WWP1: variants seen among roughly 807,000 people sequenced by gnomAD.
WWP1 encodes the protein WW domain containing E3 ubiquitin protein ligase 1.
WWP1 carries 49 observed loss-of-function variants against 130.6 expected under a neutral mutation model. The observed-to-expected ratio is 0.38, with a 90% CI of 0.30 to 0.48. The LOEUF is 0.48. WWP1 is among the 20% of genes least tolerant of loss of function. WWP1 has a pLI of 0.99. For synonymous variants in WWP1, 332 were observed against 367.8 expected (o/e 0.90, Z 1.11); for missense variants, 809 against 1,100.6 (o/e 0.74, Z 3.75).
At position 86,452,216 on chromosome 8, in the gene WWP1, A is replaced by G. The variant is rs73688841; in HGVS notation, c.2274-343A>G. On this transcript the variant is annotated intron_variant, in intron 20 of 24. Coordinates refer to ENST00000517970, the MANE Select transcript of WWP1 (RefSeq NM_007013.4). ...CGGTGGGCACATGATATTTGGATTTATTTGTCTAGATATAAACAGGAAATA... is the reference window on the plus strand; with the variant it reads ...CGGTGGGCACATGATATTTGGATTTGTTTGTCTAGATATAAACAGGAAATA... Among the ~76,000 whole-genome samples the G allele has an allele frequency of 6.9e-3, 1,056 of 152,082 alleles. 9 individuals carry two copies. Among genetic ancestry groups the G allele is most frequent in the Middle Eastern group, 0.02 (6 of 294 alleles).
chr8:86,398,669 A>T (rs746007625), intron 7 of WWP1, 31 bp downstream of exon 7: 3 of 1,602,970 alleles, frequency 1.9e-6, no homozygotes, highest in Non-Finnish European at 2.6e-6. Flanking sequence ...ATGGGTGGCG[A>T]CATGATGTGG....
In WWP1 at chr8:86,442,715, A is replaced by G. The variant is rs1378159025; in HGVS notation, c.1935A>G (p.Pro645=). The change falls in exon 18 of 25, where the codon CCA becomes CCG. Residue 645 remains proline, a synonymous_variant. Transcript: ENST00000517970. The stretch of plus-strand genomic sequence containing the variant: ...ACAACTATTGTCTGCAGATAAATCC[A>G]GCATCAACCATTAATCCAGACCATC... ...GKNNYCLQIN[P]ASTINPDHLS... is the part of the protein sequence containing the mutation. 2.5e-6 allele frequency: 4 copies of G among 1,612,956 alleles called. No individual in the cohort carries two copies. Among genetic ancestry groups the G allele is most frequent in the Admixed American group, 1.7e-5 (1 of 59,970 alleles).
At chr8:86,419,813 A>C (rs542224228) in intron 9 of WWP1, among the ~76,000 whole-genome samples, 2 of 152,238 alleles carry the variant, frequency 1.3e-5, no homozygotes, top group Non-Finnish European at 2.9e-5. Flanking sequence ...ATTGGGGCCA[A>C]TTAAATTCTA....
At chr8:86,436,775 T>G (rs1035831888) in intron 16 of WWP1, among the ~76,000 whole-genome samples, 14 of 152,128 alleles carry the variant, frequency 9.2e-5, no homozygotes, top group South Asian at 6.2e-4. Context: ...ATTCCCCCCC[T>G]AGTATTATAA....
At chr8:86,364,806 CGAAAGAAAGAAA>C (rs60630138) in intron 1 of WWP1, among the ~76,000 whole-genome samples, 7 of 135,754 alleles carry the variant, frequency 5.2e-5, no homozygotes, top group Non-Finnish European at 1.1e-4. Context: ...GACCCTGCCT[CGAAAGAAAGAAA>C]GAAAGAAAGA....
In WWP1 at chr8:86,342,814, C is replaced by T. The variant is rs920673358; in HGVS notation, c.-231C>T. ...GGGCCGACGCCTGGGTGGCTGCTGC[C>T]GCCGCGCCTGCTGCGAGATGGCGAT... On this transcript the variant is annotated 5_prime_UTR_variant, in exon 1 of 25. Transcript: ENST00000517970. 1 of 369,066 alleles carries T rather than the reference C, an allele frequency of 2.7e-6. No homozygotes were observed. Among genetic ancestry groups the T allele is most frequent in the East Asian group, 3.9e-5 (1 of 25,622 alleles). 22.9% of individuals were successfully genotyped at this position (369,066 alleles called of 1,614,324 possible). A position where few individuals can be genotyped will look rare whatever the true frequency, so the allele number is the denominator to read the frequency against.
rs1281110737 is a variant in WWP1 at position 86,457,904 on chromosome 8, C to G, written c.2395-17C>G. The G allele has an allele frequency of 1.9e-6, 3 of 1,603,238 alleles. No homozygotes were observed. Among genetic ancestry groups the G allele is most frequent in the South Asian group, 2.2e-5 (2 of 90,424 alleles). ...ACTAAATCTTTATTGTGGCCTGATT[C>G]TGTGCTCATTTCCCAGGTTATGTTG... On this transcript the variant is annotated splice_polypyrimidine_tract_variant and intron_variant, in intron 21 of 24. Transcript: ENST00000517970.
intron 9 of WWP1, among the ~76,000 whole-genome samples, chr8:86,416,957 C>T (rs984892103): frequency 2.6e-5 from 4 of 152,160 alleles, no homozygotes; most frequent in Non-Finnish European, 5.9e-5. Context: ...CTGCCCAAGG[C>T]CTGCTCTGGT....
chr8:86,342,718 TG>T lies in WWP1; in HGVS notation c.-321del. The T allele has an allele frequency of 1.6e-5, 2 of 121,784 alleles. No homozygotes were observed. Among genetic ancestry groups the T allele is most frequent in the Non-Finnish European group, 2.6e-5 (2 of 76,412 alleles). 7.5% of individuals were successfully genotyped at this position (121,784 alleles called of 1,614,324 possible). A position where few individuals can be genotyped will look rare whatever the true frequency, so the allele number is the denominator to read the frequency against. ...GGGTGGCGCGTGGACGGGGTGGGGG[TG>T]GGGGGAGGGTCGGGTGTCGGCGAGC... On this transcript the variant is annotated 5_prime_UTR_variant, in exon 1 of 25. Coordinates refer to ENST00000517970, the MANE Select transcript of WWP1 (RefSeq NM_007013.4).
chr8:86,424,406 G>A (rs546054957), intron 9 of WWP1, among the ~76,000 whole-genome samples: 12 of 151,822 alleles, frequency 7.9e-5, no homozygotes, highest in African/African-American at 1.4e-4. Context: ...ACGGGGTGGC[G>A]GCCGGGCAGA....
At chr8:86,389,688 TGGC>T (rs1172235021) in intron 5 of WWP1, among the ~76,000 whole-genome samples, 5 of 151,976 alleles carry the variant, frequency 3.3e-5, no homozygotes, top group Non-Finnish European at 7.4e-5. Flanking sequence ...CCAGACGGGG[TGGC>T]GGCCAGGCAG....
At chr8:86,429,871 T>C in intron 11 of WWP1, among the ~76,000 whole-genome samples, 1 of 152,200 alleles carries the variant, frequency 6.6e-6, no homozygotes, top group East Asian at 1.9e-4. Flanking sequence ...ATTAATTTGA[T>C]AGTTGATAGT....
chr8:86,384,628 T>G (rs1176286787), intron 5 of WWP1, among the ~76,000 whole-genome samples: 2 of 152,212 alleles, frequency 1.3e-5, no homozygotes, highest in African/African-American at 4.8e-5. Flanking sequence ...GGTTTAGTAC[T>G]TGGACTCTGA....
chr8:86,438,786 C>A, intron 17 of WWP1, 113 bp downstream of exon 17: 1 of 872,526 alleles, frequency 1.1e-6, no homozygotes, highest in South Asian at 2.6e-5. Flanking sequence ...AATTAACAAT[C>A]CAGAATTTTT....
intron 8 of WWP1, among the ~76,000 whole-genome samples, chr8:86,407,890 A>G (rs1808366205): frequency 6.7e-6 from 1 of 149,216 alleles, no homozygotes; most frequent in Admixed American, 6.6e-5. Flanking sequence ...TTAATAATAC[A>G]TTGTTATTAA....
At chr8:86,374,936 C>G (rs1238456598) in intron 3 of WWP1, among the ~76,000 whole-genome samples, 1 of 152,068 alleles carries the variant, frequency 6.6e-6, no homozygotes, top group African/African-American at 2.4e-5. Context: ...TGGTCTTGAA[C>G]TCTTTGTTTC....
chr8:86,435,077 T>A (rs1810216136), intron 14 of WWP1, among the ~76,000 whole-genome samples: 1 of 152,254 alleles, frequency 6.6e-6, no homozygotes, highest in Non-Finnish European at 1.5e-5. Flanking sequence ...GTTTGGGTTT[T>A]AGGTTAGGCT....
chr8:86,415,374 T>C (rs1023915745), intron 9 of WWP1, among the ~76,000 whole-genome samples: 2 of 152,196 alleles, frequency 1.3e-5, no homozygotes, highest in African/African-American at 4.8e-5. Context: ...GATTTTACAA[T>C]TGACCCTTTA....
intron 12 of WWP1, 46 bp downstream of exon 12, chr8:86,430,797 C>CTATATATA (rs748201762): frequency 2.7e-6 from 2 of 727,734 alleles, no homozygotes; most frequent in Admixed American, 5.2e-5. Context: ...ATATATCTCT[C>CTATATATA]CATATATATA....
Sources: allele counts gnomAD v4.1 joint callset (sites outside exome capture counted in the v4.1 genomes callset), GRCh38; gene constraint gnomAD v4.1.1; transcripts MANE v1.5; gene names NCBI Gene and HGNC (gene_info 2026-07-23, HGNC 2026-07-21).